Variants in PSMD14 observed in about 807,000 individuals in gnomAD.
PSMD14 encodes the protein ubiquitin C-terminal hydrolase PSMD14.
In PSMD14, 7 loss-of-function variants were observed where a neutral mutation model predicts 41.2. The observed-to-expected ratio is 0.17, with a 90% CI of 0.10 to 0.32. The LOEUF (loss-of-function observed/expected upper bound fraction) is 0.32. PSMD14 is among the 10% of genes least tolerant of loss of function. The pLI, the probability that PSMD14 is intolerant of heterozygous loss-of-function variation, is 1.00. For missense variants in PSMD14, 139 were observed against 375.6 expected (o/e 0.37, Z 5.21); for synonymous variants, 114 against 122.3 (o/e 0.93, Z 0.45).
intron 10 of PSMD14, 64 bp downstream of exon 10, chr2:161,395,267 C>T (rs1683777620): frequency 3.0e-6 from 4 of 1,332,032 alleles, no homozygotes; most frequent in Middle Eastern, 1.8e-4. Context: ...AGATGCCAAG[C>T]ATTGTGTAAG....
intron 3 of PSMD14, among the ~76,000 whole-genome samples, chr2:161,320,030 C>G (rs569513574): frequency 1.3e-5 from 2 of 152,136 alleles, no homozygotes; most frequent in Non-Finnish European, 1.5e-5. Context: ...GAGGCCTAAG[C>G]CTCTTTGAAC....
At chr2:161,389,517 G>T (rs188727803) in intron 8 of PSMD14, among the ~76,000 whole-genome samples, 1 of 152,172 alleles carries the variant, frequency 6.6e-6, no homozygotes, top group Non-Finnish European at 1.5e-5. Context: ...AAATGAGTAA[G>T]GATTTAATAT....
intron 3 of PSMD14, among the ~76,000 whole-genome samples, chr2:161,334,707 G>A (rs113197261): frequency 0.017 from 2,538 of 152,354 alleles, 66 homozygotes; most frequent in African/African-American, 0.057. Context: ...ACTTTTTCAT[G>A]CTCTTTAAGT....
At chr2:161,311,911 A>C (rs1230478681) in intron 1 of PSMD14, among the ~76,000 whole-genome samples, 1 of 151,786 alleles carries the variant, frequency 6.6e-6, no homozygotes, top group East Asian at 1.9e-4. Context: ...CACCGTGCCC[A>C]GCCACCATTC....
chr2:161,407,295 T>C (rs1366812626), intron 10 of PSMD14, among the ~76,000 whole-genome samples: 1 of 152,170 alleles, frequency 6.6e-6, no homozygotes, highest in African/African-American at 2.4e-5. Flanking sequence ...CTTTTATAAC[T>C]GAAAATAATA....
intron 3 of PSMD14, among the ~76,000 whole-genome samples, chr2:161,358,184 A>G (rs937317660): frequency 6.6e-6 from 1 of 152,160 alleles, no homozygotes; most frequent in Admixed American, 6.5e-5. Context: ...CTTAAACATA[A>G]TAATTTCTCA....
chr2:161,357,915 T>TA (rs1683230422), intron 3 of PSMD14, among the ~76,000 whole-genome samples: 1 of 151,734 alleles, frequency 6.6e-6, no homozygotes, highest in Non-Finnish European at 1.5e-5. Context: ...TTTTTTTTTT[T>TA]AATGGTGGTG....
chr2:161,386,388 C>G (rs2105264453), intron 8 of PSMD14, among the ~76,000 whole-genome samples: 1 of 151,926 alleles, frequency 6.6e-6, no homozygotes, highest in Non-Finnish European at 1.5e-5. Flanking sequence ...AAACCTTGCT[C>G]TGTCATGAGG....
At chr2:161,367,661 T>C (rs1683377315) in intron 4 of PSMD14, 112 bp downstream of exon 4, 1 of 1,409,244 alleles carries the variant, frequency 7.1e-7, no homozygotes, top group African/African-American at 1.6e-5. Flanking sequence ...AGCTATTGTT[T>C]TAGGTACATT....
chr2:161,310,992 A>G (rs1012547026), intron 1 of PSMD14, among the ~76,000 whole-genome samples: 3 of 152,196 alleles, frequency 2.0e-5, no homozygotes, highest in Non-Finnish European at 4.4e-5. Flanking sequence ...AACCAACTAC[A>G]AATTGAAAAT....
chr2:161,316,999 T>C (rs1445262238), intron 2 of PSMD14, among the ~76,000 whole-genome samples: 1 of 152,200 alleles, frequency 6.6e-6, no homozygotes, highest in East Asian at 1.9e-4. Flanking sequence ...TATTCTAATG[T>C]ATACTGTATG....
intron 3 of PSMD14, among the ~76,000 whole-genome samples, chr2:161,321,566 C>A (rs988103555): frequency 6.6e-6 from 1 of 152,122 alleles, no homozygotes; most frequent in African/African-American, 2.4e-5. Context: ...CACAGAACTA[C>A]CCTTACTTCA....
intron 3 of PSMD14, among the ~76,000 whole-genome samples, chr2:161,346,310 C>T (rs990795705): frequency 1.3e-5 from 2 of 152,100 alleles, no homozygotes; most frequent in Non-Finnish European, 2.9e-5. Flanking sequence ...CTGAACTCAC[C>T]CCCTGCTTTA....
chr2:161,323,068 T>C (rs6734935), intron 3 of PSMD14, among the ~76,000 whole-genome samples: 138,798 of 152,228 alleles, frequency 0.91, 63,312 homozygotes, highest in East Asian at 1. Flanking sequence ...CCTTTTCTTC[T>C]ATTTATTTCT....
At chr2:161,399,439 ATTTAT>A (rs1683846569) in intron 10 of PSMD14, among the ~76,000 whole-genome samples, 1 of 151,890 alleles carries the variant, frequency 6.6e-6, no homozygotes, top group Non-Finnish European at 1.5e-5. Flanking sequence ...CCTATAAAAT[ATTTAT>A]TTTATTTTTG....
chr2:161,407,943 T>C (rs945680998), intron 10 of PSMD14: 4 of 152,092 alleles, frequency 2.6e-5, no homozygotes, highest in Admixed American at 6.6e-5. Flanking sequence ...TGTTAAGATT[T>C]CTTACGTGTG....
chr2:161,323,435 G>A (rs1682640037), intron 3 of PSMD14, among the ~76,000 whole-genome samples: 1 of 152,100 alleles, frequency 6.6e-6, no homozygotes, highest in South Asian at 2.1e-4. Context: ...AGACCGAGGG[G>A]GCAGATGACA....
chr2:161,310,920 T>G (rs1282494421), intron 1 of PSMD14, among the ~76,000 whole-genome samples: 1 of 152,254 alleles, frequency 6.6e-6, no homozygotes, highest in African/African-American at 2.4e-5. Flanking sequence ...ATTCTCTCAG[T>G]GCATGCCACT....
intron 3 of PSMD14, among the ~76,000 whole-genome samples, chr2:161,343,339 C>T (rs908453653): frequency 6.6e-6 from 1 of 152,144 alleles, no homozygotes; most frequent in Non-Finnish European, 1.5e-5. Flanking sequence ...TTGTGACTGG[C>T]CTAGCATAAT....
Sources: gnomAD v4.1 joint callset for allele counts (sites outside exome capture counted in the v4.1 genomes callset) on GRCh38, gnomAD v4.1.1 for gene constraint, MANE v1.5 for transcripts, NCBI Gene and HGNC (gene_info 2026-07-23, HGNC 2026-07-21) for gene names.